LIN28B: variants seen among roughly 807,000 people sequenced by gnomAD.
LIN28B encodes lin-28 RNA binding posttranscriptional regulator B, also known as protein lin-28 homolog B.
A neutral mutation model predicts 21.9 loss-of-function variants in LIN28B; 5 were observed. The observed-to-expected ratio is 0.23, with a 90% confidence interval of 0.12 to 0.48. The LOEUF (loss-of-function observed/expected upper bound fraction) is 0.48. Ranked by LOEUF, LIN28B falls within the 20% of genes least tolerant of loss-of-function variation. The pLI, the probability that LIN28B is intolerant of heterozygous loss-of-function variation, is 0.98. For missense variants in LIN28B, 245 were observed against 310.5 expected (o/e 0.79, Z 1.58); for synonymous variants, 109 against 111.3 (o/e 0.98, Z 0.13).
chr6:105,058,304 T>C (rs76555235), intron 3 of LIN28B, among the ~76,000 whole-genome samples: 2,065 of 152,270 alleles, frequency 0.014, 45 homozygotes, highest in African/African-American at 0.048. Flanking sequence ...AGCAGAAAAG[T>C]TATCTTGCCT....
At chr6:104,970,913 T>C (rs1417585794) in intron 2 of LIN28B, among the ~76,000 whole-genome samples, 2 of 152,176 alleles carry the variant, frequency 1.3e-5, no homozygotes, top group Non-Finnish European at 2.9e-5. Flanking sequence ...TTTATATACT[T>C]TTTTTAATAA....
intron 2 of LIN28B, among the ~76,000 whole-genome samples, chr6:104,979,782 G>A (rs1770182859): frequency 2.0e-5 from 3 of 152,258 alleles, no homozygotes; most frequent in Admixed American, 1.3e-4. Flanking sequence ...CTATGCATTT[G>A]AGTGACAGAT....
intron 2 of LIN28B, among the ~76,000 whole-genome samples, chr6:104,975,542 C>T (rs1770072094): frequency 6.6e-6 from 1 of 152,126 alleles, no homozygotes; most frequent in South Asian, 2.1e-4. Context: ...GAGAACTGTT[C>T]AACTATAGAC....
At chr6:104,986,089 G>A (rs1582879361) in intron 2 of LIN28B, among the ~76,000 whole-genome samples, 1 of 152,192 alleles carries the variant, frequency 6.6e-6, no homozygotes, top group East Asian at 1.9e-4. Context: ...TTGTGATAGT[G>A]GGTGAGTTCT....
intron 3 of LIN28B, among the ~76,000 whole-genome samples, chr6:105,052,949 TTTAGGTAAAAAC>T (rs1329565194): frequency 3.9e-5 from 6 of 152,178 alleles, no homozygotes; most frequent in Non-Finnish European, 7.4e-5. Flanking sequence ...TTGTGGCTTC[TTTAGGTAAAAAC>T]TTAGACCATT....
rs1442407508 is a variant in LIN28B at position 105,082,024 on chromosome 6, A to T, written c.*3241A>T. On this transcript the variant is annotated 3_prime_UTR_variant, in exon 4 of 4. Transcript: ENST00000345080. ...TAAGTTATCTCTTGACCTCACCCTC[A>T]TGTCAACACAAATGTAATTCCTAAA... 6.6e-6 allele frequency: 1 copy of T among 152,570 alleles called. No individual in the cohort carries two copies. The highest frequency in any genetic ancestry group is 1.5e-5 in the Non-Finnish European group (1 of 68,036). The allele number at this position is 152,570 out of a possible 1,614,324, so 9.5% of individuals were successfully genotyped here.
At chr6:104,986,871 C>T (rs1166884916) in intron 2 of LIN28B, among the ~76,000 whole-genome samples, 2 of 152,214 alleles carry the variant, frequency 1.3e-5, no homozygotes, top group African/African-American at 4.8e-5. Context: ...ATTTACAACT[C>T]ACCAATCCGA....
intron 3 of LIN28B, among the ~76,000 whole-genome samples, chr6:105,074,738 C>T (rs1456678229): frequency 6.6e-6 from 1 of 152,150 alleles, no homozygotes; most frequent in Non-Finnish European, 1.5e-5. Context: ...CAGAGTCTAG[C>T]CCTGTTGCCC....
upstream of LIN28B, among the ~76,000 whole-genome samples, chr6:104,952,385 T>C (rs1400934157): frequency 4.6e-5 from 7 of 152,218 alleles, no homozygotes; most frequent in Non-Finnish European, 8.8e-5. Context: ...TTCTAGCCTG[T>C]TACTATTCTA....
At chr6:104,946,562 A>T (rs1778158342) in intron 2 of LIN28B, among the ~76,000 whole-genome samples, 1 of 151,982 alleles carries the variant, frequency 6.6e-6, no homozygotes, top group African/African-American at 2.4e-5. Context: ...ATTTTATTTG[A>T]TGTGTGTGTG....
At chr6:105,031,513 G>A (rs1420944713) in intron 3 of LIN28B, among the ~76,000 whole-genome samples, 1 of 151,082 alleles carries the variant, frequency 6.6e-6, no homozygotes, top group Non-Finnish European at 1.5e-5. Context: ...TTGTCATATA[G>A]TAAAATTGAC....
intron 2 of LIN28B, among the ~76,000 whole-genome samples, chr6:105,023,369 TAATA>T (rs1771187753): frequency 1.9e-4 from 2 of 10,270 alleles, no homozygotes; most frequent in African/African-American, 8.9e-4. Flanking sequence ...ATATTATATA[TAATA>T]TATATAATTA....
At chr6:105,070,441 T>G (rs1238631877) in intron 3 of LIN28B, among the ~76,000 whole-genome samples, 1 of 152,074 alleles carries the variant, frequency 6.6e-6, no homozygotes, top group Non-Finnish European at 1.5e-5. Context: ...ATACAAAAAT[T>G]TACAGAGTAA....
intron 3 of LIN28B, among the ~76,000 whole-genome samples, chr6:105,041,597 A>C (rs995729801): frequency 6.6e-6 from 1 of 152,192 alleles, no homozygotes; most frequent in Non-Finnish European, 1.5e-5. Flanking sequence ...TCTGAAATCC[A>C]GTGCTGTTAA....
chr6:105,083,223 G>A lies in LIN28B; in HGVS notation c.*4440G>A, dbSNP rs1419193783. 1 of 152,426 alleles carries A rather than the reference G, an allele frequency of 6.6e-6. No homozygotes were observed. The highest frequency in any genetic ancestry group is 2.4e-5 in the African/African-American group (1 of 41,418). 9.4% of individuals were successfully genotyped at this position (152,426 alleles called of 1,614,324 possible). On this transcript the variant is annotated 3_prime_UTR_variant, in exon 4 of 4. Transcript: ENST00000345080. ...CACTGTTTGCCTTTCTGTACACTCT[G>A]GGTTTTATATTCTCATTTCATGCCT...
chr6:104,981,501 TTTATTA>T (rs1770225112), intron 2 of LIN28B, among the ~76,000 whole-genome samples: 1 of 152,224 alleles, frequency 6.6e-6, no homozygotes, highest in Non-Finnish European at 1.5e-5. Context: ...ACTTTGCCCT[TTTATTA>T]TAAACTTTTA....
At chr6:105,048,464 A>G (rs1771817958) in intron 3 of LIN28B, among the ~76,000 whole-genome samples, 1 of 152,154 alleles carries the variant, frequency 6.6e-6, no homozygotes, top group Admixed American at 6.5e-5. Flanking sequence ...CATCAGGCAT[A>G]TTGGTCTAAA....
rs114613429 is a variant in LIN28B, at chr6:104,960,597, C to T, written c.198+2311C>T. On this transcript the variant is annotated intron_variant, in intron 2 of 3. Coordinates refer to ENST00000345080, the MANE Select transcript of LIN28B (RefSeq NM_001004317.4). ...GTTTTTTTTGAAGTGTTTGGAAGTA[C>T]ATGTGTCACTGGATTTTTTTTTTGA... 9.2e-3 allele frequency among the ~76,000 whole-genome samples: 1,388 copies of T among 151,680 alleles called. 28 individuals are homozygous for T. Among genetic ancestry groups the T allele is most frequent in the African/African-American group, 0.032 (1,314 of 41,372 alleles).
chr6:105,011,336 A>T (rs573380602), intron 2 of LIN28B, among the ~76,000 whole-genome samples: 9 of 152,246 alleles, frequency 5.9e-5, no homozygotes, highest in Non-Finnish European at 1.2e-4. Context: ...GACTACAGAC[A>T]CATGTCACAA....
Sources: allele counts gnomAD v4.1 joint callset (sites outside exome capture counted in the v4.1 genomes callset), GRCh38; gene constraint gnomAD v4.1.1; transcripts MANE v1.5; gene names NCBI Gene and HGNC (gene_info 2026-07-23, HGNC 2026-07-21).